The following ABCA8 variants were observed in gnomAD, a reference collection of about 807,000 sequenced individuals.
ABCA8 encodes the protein ABC-type organic anion transporter ABCA8.
ABCA8 carries 177 observed loss-of-function variants against 192.3 expected under a neutral mutation model. The ratio of observed to expected loss-of-function variants is 0.92; its 90% CI spans 0.81 to 1.04. ABCA8 has a LOEUF of 1.04. Among genes scored for constraint, ABCA8 ranks in the 50% least tolerant of loss-of-function variants. ABCA8 has a pLI of 0.00. For missense variants in ABCA8, 1,915 were observed against 1,904.8 expected (o/e 1.01, Z -0.10); for synonymous variants, 642 against 690.2 (o/e 0.93, Z 1.09).
intron 38 of ABCA8, among the ~76,000 whole-genome samples, chr17:68,868,910 T>C (rs1188696926): frequency 1.3e-5 from 2 of 152,086 alleles, no homozygotes; most frequent in South Asian, 2.1e-4. Context: ...CTGGGCTTAA[T>C]GCCAACCTGG....
At position 68,935,119 on chromosome 17, in the gene ABCA8, C is replaced by G. The variant is rs145243301; in HGVS notation, c.466+1832G>C. ...TTTTTTTTAGAGATGGAGTCTCACT[C>G]TGTCACTCAGGCTGGCATTCAGTGG... On this transcript the variant is annotated intron_variant, in intron 5 of 39. Coordinates refer to ENST00000586539, the MANE Select transcript of ABCA8 (RefSeq NM_001288985.2). Among the ~76,000 whole-genome samples the G allele has an allele frequency of 3.0e-3, 424 of 141,754 alleles. 3 individuals carry two copies. Among genetic ancestry groups the G allele is most frequent in the African/African-American group, 0.011 (411 of 37,644 alleles). The allele number at this position is 141,754 out of a possible 152,430, so 93.0% of individuals were successfully genotyped here. A position where few individuals can be genotyped will look rare whatever the true frequency, so the allele number is the denominator to read the frequency against.
At chr17:68,894,666 AGTAG>A (rs2066701338) in intron 22 of ABCA8, 1 of 552,188 alleles carries the variant, frequency 1.8e-6, no homozygotes, top group Non-Finnish European at 3.1e-6. Context: ...TAGTCTTGAT[AGTAG>A]GTATTCTATA....
chr17:68,945,497 G>A (rs1479190904), intron 2 of ABCA8, among the ~76,000 whole-genome samples: 1 of 152,142 alleles, frequency 6.6e-6, no homozygotes, highest in African/African-American at 2.4e-5. Flanking sequence ...TATTTGGTGT[G>A]TGTGTCCTGT....
At chr17:68,888,993 T>G (rs1317398734) in intron 24 of ABCA8, among the ~76,000 whole-genome samples, 1 of 152,202 alleles carries the variant, frequency 6.6e-6, no homozygotes, top group Non-Finnish European at 1.5e-5. Context: ...GGTGAAATTG[T>G]GGCATCACAA....
Position 68,867,383 on chromosome 17 carries a change from A to G in ABCA8, c.*702T>C, listed in dbSNP as rs1410360473. The G allele has an allele frequency of 1.3e-5, 2 of 152,206 alleles. No homozygotes were observed. The highest frequency in any genetic ancestry group is 6.5e-5 in the Admixed American group (1 of 15,274). 9.4% of individuals were successfully genotyped at this position (152,206 alleles called of 1,614,324 possible). ...TTTGTGAACTTTCTGAAACCAAGTG[A>G]CAAATATCCACAAAAGATCATTTAC... is the stretch of plus-strand genomic sequence containing the variant. On this transcript the variant is annotated 3_prime_UTR_variant, in exon 40 of 40. Transcript: ENST00000586539.
chr17:68,891,894 C>A (rs1267803479), intron 23 of ABCA8, among the ~76,000 whole-genome samples: 2 of 152,188 alleles, frequency 1.3e-5, no homozygotes, highest in Non-Finnish European at 2.9e-5. Context: ...CTAAATAATA[C>A]ATTATAATTC....
chr17:68,902,687 T>G, intron 21 of ABCA8, 26 bp downstream of exon 21: 1 of 1,590,536 alleles, frequency 6.3e-7, no homozygotes, highest in Non-Finnish European at 8.6e-7. Flanking sequence ...TAAATGTATT[T>G]GGAAATCAAG....
chr17:68,881,956 G>C lies in ABCA8; in HGVS notation c.3853C>G (p.Leu1285Val). Residue 1285 changes from leucine (L) to valine (V), a missense_variant, in exon 31 of 40, where the codon CTA becomes GTA. Physicochemically the swap from Leu to Val is conservative, Grantham distance 32 (BLOSUM62 1). Transcript: ENST00000586539. Reference protein sequence around the residue: ...DEKPVIIASCLRKEYAGKRKG... With the variant: ...DEKPVIIASCVRKEYAGKRKG... ...CTCTTCCCTGCATACTCCTTGCGTA[G>C]ACAGCTGGCAATGATGACTGGCTTC... 6.2e-7 allele frequency: 1 copy of C among 1,613,996 alleles called. No individual in the cohort carries two copies. Among genetic ancestry groups the C allele is most frequent in the Non-Finnish European group, 8.5e-7 (1 of 1,179,896 alleles).
intron 17 of ABCA8, among the ~76,000 whole-genome samples, chr17:68,908,281 A>G (rs2067140438): frequency 6.6e-6 from 1 of 152,202 alleles, no homozygotes; most frequent in South Asian, 2.1e-4. Context: ...AGCTGACTAA[A>G]TAGAATTGTT....
intron 10 of ABCA8, among the ~76,000 whole-genome samples, chr17:68,925,075 A>C (rs921867804): frequency 5.3e-5 from 8 of 152,252 alleles, no homozygotes; most frequent in African/African-American, 1.2e-4. Flanking sequence ...ATCGGAAGCA[A>C]TGAAACTGTG....
chr17:68,895,450 AC>A (rs1461927072), intron 21 of ABCA8, among the ~76,000 whole-genome samples: 1 of 152,224 alleles, frequency 6.6e-6, no homozygotes, highest in Non-Finnish European at 1.5e-5. Flanking sequence ...CCCCAGAAAA[AC>A]AATCATAACT....
intron 31 of ABCA8, 133 bp from the exon 32 acceptor site, chr17:68,881,344 T>C: frequency 3.0e-6 from 2 of 670,604 alleles, no homozygotes; most frequent in Non-Finnish European, 5.1e-6. Flanking sequence ...CCCTGAGAAG[T>C]TGTTATTTTA....
intron 17 of ABCA8, 69 bp from the exon 18 acceptor site, chr17:68,907,948 A>C (rs1467104293): frequency 1.4e-6 from 2 of 1,394,152 alleles, no homozygotes; most frequent in African/African-American, 2.9e-5. Flanking sequence ...GAAAATAATT[A>C]ACTAGTCTCT....
intron 6 of ABCA8, among the ~76,000 whole-genome samples, chr17:68,932,779 C>G (rs4147970): frequency 0.59 from 89,490 of 152,042 alleles, 27,133 homozygotes; most frequent in African/African-American, 0.71. Context: ...TGGCTTTTCT[C>G]AATTTATATA....
chr17:68,876,446 G>C lies in ABCA8; in HGVS notation c.4370+14C>G, dbSNP rs1567818907. 4.3e-6 allele frequency: 7 copies of C among 1,613,886 alleles called. No individual in the cohort carries two copies. Among genetic ancestry groups the C allele is most frequent in the Non-Finnish European group, 5.1e-6 (6 of 1,179,842 alleles). On this transcript the variant is annotated intron_variant, in intron 35 of 39. Coordinates refer to ENST00000586539, the MANE Select transcript of ABCA8 (RefSeq NM_001288985.2). ...GTCATCCGTGCTGTCCCTGACCGTG[G>C]TAATGTTCCTCACCACATTTGCTGC...
rs575214071 is a variant in ABCA8 at position 68,949,040 on chromosome 17, T to G, written c.-6+272A>C. Among the ~76,000 whole-genome samples, 4 of 152,214 alleles carry G rather than the reference T, an allele frequency of 2.6e-5. No individual in the cohort carries two copies. The South Asian group carries it at 8.3e-4, about 31-fold the overall frequency. ...TTGTTTTTGTCAGGTTTGTCAAAGA[T>G]CAGATGGTTGTAGATGCGTGGTGTA... On this transcript the variant is annotated intron_variant, in intron 2 of 39. Transcript: ENST00000586539.
At chr17:68,881,078 A>G in intron 32 of ABCA8, 42 bp downstream of exon 32, 2 of 1,349,854 alleles carry the variant, frequency 1.5e-6, no homozygotes, top group Non-Finnish European at 2.1e-6. Flanking sequence ...TTATCAATCT[A>G]TTTCACCATT....
At chr17:68,877,936 C>A in intron 32 of ABCA8, 1 of 375,026 alleles carries the variant, frequency 2.7e-6, no homozygotes. Flanking sequence ...TCCATCCTGG[C>A]CAACAGTTTA....
chr17:68,931,224 TCAACCA>T (rs1174081662), intron 7 of ABCA8, among the ~76,000 whole-genome samples: 1 of 152,226 alleles, frequency 6.6e-6, no homozygotes, highest in East Asian at 1.9e-4. Flanking sequence ...TTCTTCACAA[TCAACCA>T]ATAACCTAAC....
Sources: gnomAD v4.1 joint callset for allele counts (sites outside exome capture counted in the v4.1 genomes callset) on GRCh38, gnomAD v4.1.1 for gene constraint, MANE v1.5 for transcripts, NCBI Gene and HGNC (gene_info 2026-07-23, HGNC 2026-07-21) for gene names.